The following MAST4 variants were observed in gnomAD, a reference collection of about 807,000 sequenced individuals.
The protein encoded by MAST4 is microtubule associated serine/threonine kinase family member 4.
MAST4 carries 89 observed loss-of-function variants against 162.7 expected under a neutral mutation model. The ratio of observed to expected loss-of-function variants is 0.55; its 90% CI spans 0.46 to 0.65. MAST4 has a LOEUF of 0.65. MAST4 is among the 30% of genes least tolerant of loss of function. MAST4 has a pLI of 0.00. For synonymous variants in MAST4, 1,479 were observed against 1,361.1 expected, an observed-to-expected ratio of 1.09 and a Z score of -1.91; for missense variants, 3,153 against 3,374.0, an observed-to-expected ratio of 0.93 and a Z score of 1.62.
At chr5:66,844,619 C>G (rs897933087) in intron 3 of MAST4, among the ~76,000 whole-genome samples, 17 of 152,146 alleles carry the variant, frequency 1.1e-4, no homozygotes, top group African/African-American at 4.1e-4. Flanking sequence ...GGTTGTCTTC[C>G]GGGAGCTTAT....
At chr5:66,772,590 T>C (rs1162926773) in intron 2 of MAST4, among the ~76,000 whole-genome samples, 4 of 152,154 alleles carry the variant, frequency 2.6e-5, no homozygotes, top group Non-Finnish European at 5.9e-5. Context: ...GAGATGTAGA[T>C]CAGAGAGAGA....
intron 4 of MAST4, among the ~76,000 whole-genome samples, chr5:66,966,265 T>C (rs182553826): frequency 4.1e-4 from 62 of 152,352 alleles, no homozygotes; most frequent in African/African-American, 1.4e-3. Flanking sequence ...AGGTAGACCT[T>C]GTGACCTTCT....
In MAST4 at chr5:67,160,610, T is replaced by A; in HGVS notation, c.3785+18T>A. 1 of 1,611,484 alleles carries A rather than the reference T, an allele frequency of 6.2e-7. No homozygotes were observed. Among genetic ancestry groups the A allele is most frequent in the African/African-American group, 1.3e-5 (1 of 74,842 alleles). On this transcript the variant is annotated intron_variant, in intron 27 of 28. Transcript: ENST00000403625. The stretch of plus-strand genomic sequence containing the variant: ...CTCGAAAGGTTAGTAAAATCAGTAT[T>A]CTTTTTAAGTTTGGTGTATACCTAT...
intron 4 of MAST4, among the ~76,000 whole-genome samples, chr5:66,911,294 A>G (rs1243669231): frequency 6.6e-6 from 1 of 152,222 alleles, no homozygotes; most frequent in Non-Finnish European, 1.5e-5. Flanking sequence ...AAAAAGTTTT[A>G]CTGACTACAG....
At chr5:66,802,756 A>G (rs925347470) in intron 3 of MAST4, among the ~76,000 whole-genome samples, 7 of 152,212 alleles carry the variant, frequency 4.6e-5, no homozygotes, top group African/African-American at 1.7e-4. Context: ...TCTCTAGGAC[A>G]TGCAATATAC....
chr5:66,808,222 A>G (rs1434675294), intron 3 of MAST4, among the ~76,000 whole-genome samples: 1 of 152,128 alleles, frequency 6.6e-6, no homozygotes, highest in African/African-American at 2.4e-5. Flanking sequence ...TGAGGTTGTT[A>G]GGTAGTTTTT....
At chr5:66,825,008 C>T (rs1561356918) in intron 3 of MAST4, among the ~76,000 whole-genome samples, 1 of 152,098 alleles carries the variant, frequency 6.6e-6, no homozygotes, top group Non-Finnish European at 1.5e-5. Context: ...GTAGACTTTA[C>T]AAATAATGTA....
intron 3 of MAST4, among the ~76,000 whole-genome samples, chr5:66,865,994 G>A (rs1015819679): frequency 6.7e-6 from 1 of 148,230 alleles, no homozygotes; most frequent in Non-Finnish European, 1.5e-5. Flanking sequence ...AGAATCGCTT[G>A]AACCCTGGGG....
intron 14 of MAST4, 45 bp downstream of exon 14, chr5:67,121,147 A>T (rs1488057345): frequency 7.2e-7 from 1 of 1,394,118 alleles, no homozygotes; most frequent in East Asian, 2.4e-5. Flanking sequence ...CTACACACTC[A>T]AGTGATATAT....
chr5:66,820,377 A>G lies in MAST4; in HGVS notation c.642+31583A>G, dbSNP rs190557322. On this transcript the variant is annotated intron_variant, in intron 3 of 28. Coordinates refer to ENST00000403625, the MANE Select transcript of MAST4 (RefSeq NM_001164664.2). The stretch of plus-strand genomic sequence containing the variant: ...ACATATGAGTTTCTAAAGCTTTTCA[A>G]TTGATAGGTATCATACAATGACAAT... Among the ~76,000 whole-genome samples, 10 of 152,322 alleles carry G rather than the reference A, an allele frequency of 6.6e-5. No individual in the cohort carries two copies. In the East Asian group the frequency reaches 1.2e-3, roughly 18 times the overall value.
chr5:67,087,426 T>A (rs768957786), intron 5 of MAST4, among the ~76,000 whole-genome samples: 3 of 152,204 alleles, frequency 2.0e-5, no homozygotes, highest in Non-Finnish European at 4.4e-5. Context: ...TGCCTCCAAG[T>A]ATTTCTTAAA....
intron 3 of MAST4, among the ~76,000 whole-genome samples, chr5:66,830,588 A>AAAT (rs1757532188): frequency 6.6e-6 from 1 of 152,208 alleles, no homozygotes; most frequent in East Asian, 1.9e-4. Context: ...ATGCTGTGAA[A>AAAT]AATAACAACA....
chr5:67,044,196 C>T (rs1757097264), intron 4 of MAST4, among the ~76,000 whole-genome samples: 1 of 152,166 alleles, frequency 6.6e-6, no homozygotes, highest in South Asian at 2.1e-4. Context: ...ATCTTCATCT[C>T]AAATGGTAAC....
chr5:66,628,977 T>C (rs866677997), intron 1 of MAST4, among the ~76,000 whole-genome samples: 22 of 152,326 alleles, frequency 1.4e-4, no homozygotes, highest in African/African-American at 4.6e-4. Flanking sequence ...GAGATCATGC[T>C]AAAAGCATGA....
At chr5:66,661,698 A>G (rs1217563472) in intron 1 of MAST4, among the ~76,000 whole-genome samples, 1 of 152,180 alleles carries the variant, frequency 6.6e-6, no homozygotes, top group Non-Finnish European at 1.5e-5. Flanking sequence ...TTAATATTTC[A>G]TCTGGCAAGA....
intron 4 of MAST4, among the ~76,000 whole-genome samples, chr5:66,954,475 A>G (rs191105078): frequency 3.6e-4 from 55 of 152,346 alleles, no homozygotes; most frequent in Admixed American, 3.2e-3. Flanking sequence ...TTGAATATTT[A>G]TGTGGGCTGC....
At chr5:67,037,056 A>C (rs1756109077) in intron 4 of MAST4, among the ~76,000 whole-genome samples, 1 of 152,154 alleles carries the variant, frequency 6.6e-6, no homozygotes, top group East Asian at 1.9e-4. Context: ...AACCTGCCAC[A>C]TAAAAGAGGT....
At chr5:66,967,036 A>C (rs533677344) in intron 4 of MAST4, among the ~76,000 whole-genome samples, 296 of 152,092 alleles carry the variant, frequency 1.9e-3, no homozygotes, top group African/African-American at 6.8e-3. Flanking sequence ...AAATTGCAAG[A>C]CTCCAAATAT....
chr5:67,107,540 T>C (rs1765732309), intron 10 of MAST4, among the ~76,000 whole-genome samples: 1 of 152,216 alleles, frequency 6.6e-6, no homozygotes, highest in Admixed American at 6.5e-5. Flanking sequence ...TTCCAGAACT[T>C]GGAGCTAATC....
Sources: gnomAD v4.1 joint callset for allele counts (sites outside exome capture counted in the v4.1 genomes callset) on GRCh38, gnomAD v4.1.1 for gene constraint, MANE v1.5 for transcripts, NCBI Gene and HGNC (gene_info 2026-07-23, HGNC 2026-07-21) for gene names.